The following GPHN variants were observed in gnomAD, a reference collection of about 807,000 sequenced individuals.
GPHN encodes the protein gephyrin.
A neutral mutation model predicts 95.5 loss-of-function variants in GPHN; 17 were observed. The observed-to-expected ratio is 0.18, with a 90% CI of 0.12 to 0.27. GPHN has a LOEUF of 0.27. Among genes scored for constraint, GPHN ranks in the 10% least tolerant of loss-of-function variants. GPHN has a pLI of 1.00. For synonymous variants in GPHN, 320 were observed against 322.5 expected (o/e 0.99, Z 0.08); for missense variants, 660 against 978.1 (o/e 0.67, Z 4.34).
At chr14:67,473,196 C>G in the GPHN span, 3 of 599,812 alleles carry the variant, frequency 5.0e-6, no homozygotes, top group African/African-American at 5.6e-5. The surrounding 1 kb of genome is among the most constrained non-coding windows in gnomAD (Gnocchi z 6.5). Context: ...GATCCATGGA[C>G]CCTTCCCAAT....
intron 1 of GPHN, among the ~76,000 whole-genome samples, chr14:66,549,089 A>G (rs2059717698): frequency 6.6e-6 from 1 of 152,172 alleles, no homozygotes; most frequent in African/African-American, 2.4e-5. Context: ...TTTATATATA[A>G]ATAAAAGTTA....
At chr14:67,216,676 C>T in the GPHN span, among the ~76,000 whole-genome samples, 1,043 of 152,142 alleles carry the variant, frequency 6.9e-3, 18 homozygotes, top group African/African-American at 0.024. Flanking sequence ...CATTTAGGAG[C>T]ATGTTGTTTA....
At chr14:66,955,214 C>G (rs886839057) in intron 8 of GPHN, among the ~76,000 whole-genome samples, 2 of 152,064 alleles carry the variant, frequency 1.3e-5, no homozygotes, top group African/African-American at 4.8e-5. Flanking sequence ...TAATAGAATT[C>G]CCTAGTGAGG....
intron 9 of GPHN, among the ~76,000 whole-genome samples, chr14:67,005,494 G>A (rs1052208425): frequency 2.6e-5 from 4 of 151,874 alleles, no homozygotes; most frequent in Non-Finnish European, 5.9e-5. Flanking sequence ...ATATGGTGAT[G>A]TCTTTTCCAT....
At chr14:67,106,188 A>G (rs537845959) in intron 13 of GPHN, among the ~76,000 whole-genome samples, 1 of 152,026 alleles carries the variant, frequency 6.6e-6, no homozygotes, top group African/African-American at 2.4e-5. Flanking sequence ...ATAGTTAGAA[A>G]TTTTTTTATT....
chr14:66,811,754 G>A (rs374724605), intron 3 of GPHN, among the ~76,000 whole-genome samples: 2 of 152,088 alleles, frequency 1.3e-5, no homozygotes, highest in East Asian at 3.9e-4. Context: ...TCATGGATTT[G>A]GTACTACATT....
chr14:66,793,408 A>G (rs762632789), intron 3 of GPHN, among the ~76,000 whole-genome samples: 6 of 152,250 alleles, frequency 3.9e-5, no homozygotes, highest in Admixed American at 2.0e-4. Context: ...TCAAATCCAC[A>G]GGAACAAAAT....
At chr14:67,355,177 A>G in the GPHN span, among the ~76,000 whole-genome samples, 2 of 152,094 alleles carry the variant, frequency 1.3e-5, no homozygotes, top group Non-Finnish European at 2.9e-5. Flanking sequence ...ACATGTTTTG[A>G]TATCATCAAT....
chr14:67,275,124 C>G, the GPHN span, among the ~76,000 whole-genome samples: 1 of 152,072 alleles, frequency 6.6e-6, no homozygotes, highest in Non-Finnish European at 1.5e-5. Flanking sequence ...TTTCTCCTGC[C>G]CGATTGCCTT....
rs1163487080 is a variant in GPHN at position 66,754,460 on chromosome 14, CTG to C, written c.144-22001_144-22000del. 4.0e-5 allele frequency among the ~76,000 whole-genome samples: 6 copies of C among 151,758 alleles called. No individual in the cohort carries two copies. The South Asian group carries it at 6.2e-4, about 16-fold the overall frequency. ...ATCAGATAATCTGAAAATAATAAAA[CTG>C]TGAAATGTACTTCTCTCTATAGTGA... On this transcript the variant is annotated intron_variant, in intron 2 of 22. Transcript: ENST00000478722.
the GPHN span, chr14:67,582,402 T>A: frequency 1.1e-6 from 1 of 901,924 alleles, no homozygotes; most frequent in African/African-American, 1.7e-5. The surrounding 1 kb of genome is among the most constrained non-coding windows in gnomAD (Gnocchi z 5.0). Context: ...ATAGGATGCG[T>A]GCAGATGGCT....
chr14:67,204,398 C>T, the GPHN span: 7 of 1,223,920 alleles, frequency 5.7e-6, no homozygotes, highest in Non-Finnish European at 5.4e-6. Context: ...ATGATCGCAT[C>T]ACCACTGCAC....
intron 1 of GPHN, among the ~76,000 whole-genome samples, chr14:66,658,839 A>G (rs2065462008): frequency 6.6e-6 from 1 of 150,544 alleles, no homozygotes; most frequent in Admixed American, 6.6e-5. Flanking sequence ...TGTGCTTGTA[A>G]TTTGTTTCTT....
intron 4 of GPHN, among the ~76,000 whole-genome samples, chr14:66,873,491 C>T (rs191142134): frequency 8.5e-5 from 13 of 152,326 alleles, no homozygotes; most frequent in African/African-American, 3.1e-4. Context: ...CACACAGAAC[C>T]CAGCAAGCTA....
At chr14:67,372,436 T>C in the GPHN span, among the ~76,000 whole-genome samples, 1 of 152,216 alleles carries the variant, frequency 6.6e-6, no homozygotes, top group Non-Finnish European at 1.5e-5. Flanking sequence ...ATTGATTAAT[T>C]GGACCTTATC....
the GPHN span, chr14:67,221,615 C>G: frequency 5.4e-6 from 3 of 550,944 alleles, no homozygotes; most frequent in Non-Finnish European, 4.6e-6. Flanking sequence ...TAATTTTATT[C>G]TCATATGTTC....
intron 4 of GPHN, among the ~76,000 whole-genome samples, chr14:66,858,038 C>T (rs539101027): frequency 5.3e-5 from 8 of 152,176 alleles, no homozygotes; most frequent in Non-Finnish European, 1.2e-4. Context: ...GCAAGCCTTG[C>T]CACCACAGGC....
intron 10 of GPHN, among the ~76,000 whole-genome samples, chr14:67,030,234 A>G (rs1242941740): frequency 6.6e-6 from 1 of 152,122 alleles, no homozygotes; most frequent in Non-Finnish European, 1.5e-5. Context: ...GACTAAAACT[A>G]AATTTATCAT....
the GPHN span, chr14:67,717,737 A>G: frequency 6.6e-6 from 1 of 152,268 alleles, no homozygotes; most frequent in African/African-American, 2.4e-5. Flanking sequence ...CTTTACTCGG[A>G]ACAGCCACTC....
Sources: gnomAD v4.1 joint callset for allele counts (sites outside exome capture counted in the v4.1 genomes callset) on GRCh38, gnomAD v4.1.1 for gene constraint, Gnocchi (gnomAD v3.1) non-coding constraint, MANE v1.5 for transcripts, NCBI Gene and HGNC (gene_info 2026-07-23, HGNC 2026-07-21) for gene names.